Variants in AMPH observed in about 807,000 individuals in gnomAD.
The protein encoded by AMPH is amphiphysin (Stiff-Mann syndrome with breast cancer 128kD autoantigen).
AMPH carries 49 observed loss-of-function variants against 99.1 expected under a neutral mutation model. The ratio of observed to expected loss-of-function variants is 0.49; its 90% CI spans 0.39 to 0.63. AMPH has a LOEUF of 0.63. Among genes scored for constraint, AMPH ranks in the 20% least tolerant of loss-of-function variants. The probability of loss-of-function intolerance (pLI) is 0.00; values close to 1 mark genes in which losing one functional copy is unlikely to be tolerated. For missense variants in AMPH, 759 were observed against 863.4 expected, an observed-to-expected ratio of 0.88 and a Z score of 1.52; for synonymous variants, 314 against 317.3, an observed-to-expected ratio of 0.99 and a Z score of 0.11.
At chr7:38,441,580 T>C (rs1786506085) in intron 11 of AMPH, among the ~76,000 whole-genome samples, 1 of 151,766 alleles carries the variant, frequency 6.6e-6, no homozygotes, top group Non-Finnish European at 1.5e-5. Context: ...ACCTCTTTCT[T>C]GCACAGACAC....
rs552264055 is a variant in AMPH, at chr7:38,423,826, G to A, written c.1216-1349C>T. Among the ~76,000 whole-genome samples the A allele has an allele frequency of 9.9e-4, 151 of 152,256 alleles. 1 individual carries two copies. The highest frequency in any genetic ancestry group is 2.0e-3 in the Admixed American group (31 of 15,294). On this transcript the variant is annotated intron_variant, in intron 15 of 20. Transcript: ENST00000356264. ...CTATTACAAAGTCATCAGACCTCAA[G>A]ATATTCTTACCTACTAAGAACACCA...
At chr7:38,553,311 C>T (rs971094712) in intron 1 of AMPH, among the ~76,000 whole-genome samples, 1 of 152,212 alleles carries the variant, frequency 6.6e-6, no homozygotes, top group African/African-American at 2.4e-5. Flanking sequence ...GCCTCTTGAA[C>T]CATCTGTGCT....
At chr7:38,553,512 C>T (rs1048507488) in intron 1 of AMPH, among the ~76,000 whole-genome samples, 2 of 152,230 alleles carry the variant, frequency 1.3e-5, no homozygotes, top group Non-Finnish European at 2.9e-5. Flanking sequence ...AAATAGGTTA[C>T]TGAGGGATCA....
intron 1 of AMPH, among the ~76,000 whole-genome samples, chr7:38,537,810 C>A (rs572491269): frequency 2.6e-5 from 4 of 152,114 alleles, no homozygotes; most frequent in Admixed American, 2.6e-4. Context: ...AGTTGGTAAA[C>A]GCACAAATAC....
chr7:38,525,275 TATAGAGAGAGAGAGAG>T (rs1462957178), intron 2 of AMPH, among the ~76,000 whole-genome samples: 17 of 86,284 alleles, frequency 2.0e-4, no homozygotes, highest in African/African-American at 2.4e-4. Context: ...TATATATATA[TATAGAGAGAGAGAGAG>T]AGAGAGAGAG....
intron 1 of AMPH, among the ~76,000 whole-genome samples, chr7:38,610,256 A>G (rs376835609): frequency 0.046 from 633 of 13,736 alleles, 85 homozygotes; most frequent in African/African-American, 0.074. Flanking sequence ...AAAAAAAAAA[A>G]AAAAAAAGAA....
intron 17 of AMPH, among the ~76,000 whole-genome samples, chr7:38,396,518 A>G (rs1784674552): frequency 6.6e-6 from 1 of 152,222 alleles, no homozygotes; most frequent in South Asian, 2.1e-4. Context: ...AAATGGACTA[A>G]TACAATATGG....
intron 1 of AMPH, among the ~76,000 whole-genome samples, chr7:38,537,978 T>C (rs1292644235): frequency 6.6e-6 from 1 of 152,094 alleles, no homozygotes; most frequent in Non-Finnish European, 1.5e-5. Context: ...GGAAGGACCA[T>C]CAGAGTAAAG....
intron 1 of AMPH, among the ~76,000 whole-genome samples, chr7:38,585,340 C>G (rs994658293): frequency 2.0e-5 from 3 of 152,092 alleles, no homozygotes; most frequent in Non-Finnish European, 4.4e-5. Context: ...TATCCTTTCT[C>G]CAGTTGGCAG....
chr7:38,516,077 C>T (rs1429581455), intron 2 of AMPH, among the ~76,000 whole-genome samples: 4 of 152,158 alleles, frequency 2.6e-5, no homozygotes, highest in African/African-American at 7.2e-5. Context: ...GGGAAGTAGA[C>T]TGTAAAAGTT....
chr7:38,395,275 G>A, intron 17 of AMPH, among the ~76,000 whole-genome samples: 1 of 151,998 alleles, frequency 6.6e-6, no homozygotes, highest in East Asian at 1.9e-4. Context: ...CGAGAATGAA[G>A]GGGAAATCAT....
Position 38,476,842 on chromosome 7 carries a change from A to T in AMPH, c.504+20T>A. ...TCATAAAATACGGAGAGTGGTATTC[A>T]CCATGGGCTCAATCCCTACCTTAGA... On this transcript the variant is annotated intron_variant, in intron 6 of 20. Coordinates refer to ENST00000356264, the MANE Select transcript of AMPH (RefSeq NM_001635.4). 1.3e-6 allele frequency: 2 copies of T among 1,586,060 alleles called. No individual in the cohort carries two copies.
chr7:38,470,578 CT>C lies in AMPH; in HGVS notation c.591-4331del, dbSNP rs1340436361. The stretch of plus-strand genomic sequence containing the variant: ...GAAGGCTTTTCCACAGTCCCCTCTT[CT>C]TTTGCACATTCCATAAAATATTAGT... On this transcript the variant is annotated intron_variant, in intron 7 of 20. Coordinates refer to ENST00000356264, the MANE Select transcript of AMPH (RefSeq NM_001635.4). Among the ~76,000 whole-genome samples the C allele has an allele frequency of 3.9e-5, 6 of 152,224 alleles. No homozygotes were observed. In the East Asian group the frequency reaches 1.2e-3, roughly 29 times the overall value.
At chr7:38,405,477 C>T (rs1784957544) in intron 17 of AMPH, among the ~76,000 whole-genome samples, 2 of 151,922 alleles carry the variant, frequency 1.3e-5, no homozygotes, top group Admixed American at 1.3e-4. Context: ...GTAATGACAC[C>T]CACAGGCTCC....
intron 16 of AMPH, among the ~76,000 whole-genome samples, chr7:38,419,175 T>C (rs115372923): frequency 6.6e-6 from 1 of 152,276 alleles, no homozygotes; most frequent in East Asian, 1.9e-4. Flanking sequence ...CAACTCACCA[T>C]AAGCAATCAA....
intron 11 of AMPH, among the ~76,000 whole-genome samples, chr7:38,455,575 G>A (rs956999860): frequency 1.3e-5 from 2 of 152,156 alleles, no homozygotes; most frequent in African/African-American, 2.4e-5. Context: ...TCCTCAGCTG[G>A]GATCCAGGAG....
chr7:38,529,251 T>G (rs935772002), intron 2 of AMPH, among the ~76,000 whole-genome samples: 3 of 152,232 alleles, frequency 2.0e-5, no homozygotes, highest in Non-Finnish European at 4.4e-5. Flanking sequence ...CATATTTATA[T>G]CCATATTTAT....
At chr7:38,471,413 T>G (rs1312661199) in intron 7 of AMPH, among the ~76,000 whole-genome samples, 7 of 152,204 alleles carry the variant, frequency 4.6e-5, no homozygotes, top group African/African-American at 1.7e-4. Flanking sequence ...CCTGCAATCA[T>G]ATTCTAGTAT....
At chr7:38,431,840 T>C (rs1319817905) in intron 13 of AMPH, among the ~76,000 whole-genome samples, 3 of 152,152 alleles carry the variant, frequency 2.0e-5, no homozygotes, top group Non-Finnish European at 4.4e-5. Flanking sequence ...TTCCATTTTC[T>C]CATTCACACT....
Sources: allele counts gnomAD v4.1 joint callset (sites outside exome capture counted in the v4.1 genomes callset), GRCh38; gene constraint gnomAD v4.1.1; transcripts MANE v1.5; gene names NCBI Gene and HGNC (gene_info 2026-07-23, HGNC 2026-07-21).